The following PDE7B variants were observed in gnomAD, a reference collection of about 807,000 sequenced individuals.
PDE7B encodes the protein 3',5'-cyclic-AMP phosphodiesterase 7B.
A neutral mutation model predicts 56.2 loss-of-function variants in PDE7B; 29 were observed. That is an observed-to-expected ratio of 0.52 (90% CI 0.38 to 0.70). The LOEUF is 0.70. Among genes scored for constraint, PDE7B ranks in the 30% least tolerant of loss-of-function variants. The probability of loss-of-function intolerance (pLI) is 0.00; values close to 1 mark genes in which losing one functional copy is unlikely to be tolerated. For synonymous variants in PDE7B, 197 were observed against 196.9 expected, an observed-to-expected ratio of 1.00 and a Z score of 0.00; for missense variants, 490 against 565.0, an observed-to-expected ratio of 0.87 and a Z score of 1.35.
intron 1 of PDE7B, among the ~76,000 whole-genome samples, chr6:135,863,318 A>G (rs1342150397): frequency 6.6e-6 from 1 of 152,046 alleles, no homozygotes; most frequent in Non-Finnish European, 1.5e-5. Context: ...TGAACAATGT[A>G]AAATTGCCAT....
At chr6:136,054,394 G>A (rs1776691189) in intron 2 of PDE7B, among the ~76,000 whole-genome samples, 1 of 152,132 alleles carries the variant, frequency 6.6e-6, no homozygotes, top group Non-Finnish European at 1.5e-5. Context: ...TGAGGACTCT[G>A]TTCTGTTTCA....
intron 1 of PDE7B, among the ~76,000 whole-genome samples, chr6:135,945,737 T>C (rs759966048): frequency 1.3e-5 from 2 of 152,214 alleles, no homozygotes; most frequent in Admixed American, 6.6e-5. Context: ...AATGAGTGAA[T>C]GTAGCTCATC....
rs1203531237 is a variant in PDE7B at position 136,166,781 on chromosome 6, T to TTC, written c.712-7013_712-7012dup. ...ACAGATACAAACCATTTCAACCTGT[T>TTC]TCTCCCCTTACCCCTACCAAAGTCT... is the stretch of plus-strand genomic sequence containing the variant. On this transcript the variant is annotated intron_variant, in intron 8 of 12. Transcript: ENST00000308191. Among the ~76,000 whole-genome samples the TTC allele has an allele frequency of 2.0e-5, 3 of 152,234 alleles. No individual in the cohort carries two copies. The East Asian group carries it at 5.8e-4, about 29-fold the overall frequency.
intron 1 of PDE7B, among the ~76,000 whole-genome samples, chr6:135,929,131 G>A (rs758790349): frequency 6.6e-5 from 10 of 152,086 alleles, no homozygotes; most frequent in Admixed American, 2.6e-4. Context: ...GGTAAATAAC[G>A]GTGAAAGAAT....
chr6:135,854,504 A>G (rs1306184663), intron 1 of PDE7B, among the ~76,000 whole-genome samples: 6 of 152,204 alleles, frequency 3.9e-5, no homozygotes, highest in Non-Finnish European at 7.4e-5. Flanking sequence ...CTTAGTAGGT[A>G]TCTATGTTCT....
intron 2 of PDE7B, among the ~76,000 whole-genome samples, chr6:136,105,119 C>T (rs1777626789): frequency 6.6e-6 from 1 of 152,094 alleles, no homozygotes; most frequent in East Asian, 1.9e-4. Context: ...GTAATAGATT[C>T]CTTGTTGATC....
chr6:136,003,441 C>A (rs1010694567), intron 2 of PDE7B, among the ~76,000 whole-genome samples: 1 of 152,014 alleles, frequency 6.6e-6, no homozygotes, highest in East Asian at 1.9e-4. Context: ...TCAACAAAAT[C>A]AGTAGACTGC....
chr6:136,074,047 C>T (rs1413585206), intron 2 of PDE7B, among the ~76,000 whole-genome samples: 2 of 151,994 alleles, frequency 1.3e-5, no homozygotes, highest in Non-Finnish European at 2.9e-5. Flanking sequence ...CATGGTGAAA[C>T]CCTGTCTGTA....
intron 11 of PDE7B, among the ~76,000 whole-genome samples, chr6:136,185,796 A>C (rs1243592668): frequency 6.6e-6 from 1 of 152,022 alleles, no homozygotes; most frequent in Non-Finnish European, 1.5e-5. Context: ...TTTTATTAAC[A>C]TATGTAAAAT....
intron 1 of PDE7B, among the ~76,000 whole-genome samples, chr6:135,918,604 A>G (rs1388752945): frequency 6.6e-6 from 1 of 150,804 alleles, no homozygotes; most frequent in Non-Finnish European, 1.5e-5. Flanking sequence ...CTGTAAGATG[A>G]AAGTCCATTA....
chr6:135,883,934 TG>T (rs1775655727), intron 1 of PDE7B, among the ~76,000 whole-genome samples: 1 of 152,250 alleles, frequency 6.6e-6, no homozygotes, highest in Non-Finnish European at 1.5e-5. Flanking sequence ...TTTGCATGGT[TG>T]ATTTCCCCAT....
intron 2 of PDE7B, among the ~76,000 whole-genome samples, chr6:135,985,081 A>C (rs553617717): frequency 6.6e-6 from 1 of 152,354 alleles, no homozygotes; most frequent in East Asian, 1.9e-4. Context: ...GCTCTTTTGC[A>C]ACTAGGCTGA....
chr6:136,053,465 A>G (rs1286221934), intron 2 of PDE7B, among the ~76,000 whole-genome samples: 2 of 151,990 alleles, frequency 1.3e-5, no homozygotes, highest in Non-Finnish European at 2.9e-5. Context: ...TCATTGCTGG[A>G]CATTTGGGTT....
intron 3 of PDE7B, among the ~76,000 whole-genome samples, chr6:136,143,521 G>A (rs1158000360): frequency 6.6e-6 from 1 of 151,954 alleles, no homozygotes; most frequent in Admixed American, 6.6e-5. Context: ...AAAAAGTCAT[G>A]AGAAACAATA....
chr6:136,150,006 G>T (rs1037449887), intron 5 of PDE7B, among the ~76,000 whole-genome samples: 27 of 152,182 alleles, frequency 1.8e-4, no homozygotes, highest in East Asian at 1.5e-3. Flanking sequence ...TGAGAAACGG[G>T]TACTGGTAAA....
At chr6:135,977,883 G>T (rs1775219175) in intron 2 of PDE7B, among the ~76,000 whole-genome samples, 2 of 152,012 alleles carry the variant, frequency 1.3e-5, no homozygotes, top group Admixed American at 1.3e-4. Context: ...AATTACTTTT[G>T]CACCAGCCTA....
rs537840071 is a variant in PDE7B, at chr6:135,943,844, C to A, written c.22-3620C>A. ...GACTCTTTATGGTCTCTGAGGGCAACAATGGACATTACACACATGAATTCA... is the reference window on the plus strand; with the variant it reads ...GACTCTTTATGGTCTCTGAGGGCAAAAATGGACATTACACACATGAATTCA... On this transcript the variant is annotated intron_variant, in intron 1 of 12. Coordinates refer to ENST00000308191, the MANE Select transcript of PDE7B (RefSeq NM_018945.4). 1.4e-4 allele frequency among the ~76,000 whole-genome samples: 21 copies of A among 152,286 alleles called. 1 individual carries two copies. The South Asian group carries it at 2.7e-3, about 20-fold the overall frequency.
intron 2 of PDE7B, among the ~76,000 whole-genome samples, chr6:136,040,699 T>G (rs1157059838): frequency 6.6e-6 from 1 of 152,148 alleles, no homozygotes; most frequent in Admixed American, 6.5e-5. Flanking sequence ...TCCCTCGCTC[T>G]CTCTCTCTGT....
intron 12 of PDE7B, among the ~76,000 whole-genome samples, chr6:136,189,647 TAAAGAG>T (rs1159309301): frequency 6.6e-6 from 1 of 152,166 alleles, no homozygotes; most frequent in Non-Finnish European, 1.5e-5. Flanking sequence ...TATAGAAGGC[TAAAGAG>T]AAAGAGGTTT....
Sources: allele counts gnomAD v4.1 joint callset (sites outside exome capture counted in the v4.1 genomes callset), GRCh38; gene constraint gnomAD v4.1.1; transcripts MANE v1.5; gene names NCBI Gene and HGNC (gene_info 2026-07-23, HGNC 2026-07-21).